The following SHE variants were observed in gnomAD, a reference collection of about 807,000 sequenced individuals.
SHE encodes the protein SH2 domain-containing adapter protein E.
A neutral mutation model predicts 49.8 loss-of-function variants in SHE; 11 were observed. The ratio of observed to expected loss-of-function variants is 0.22; its 90% confidence interval spans 0.14 to 0.37. The LOEUF (loss-of-function observed/expected upper bound fraction) is 0.37, where lower values mean the gene tolerates loss of function less well. SHE is among the 10% of genes least tolerant of loss of function. SHE has a pLI of 1.00. For synonymous variants in SHE, 310 were observed against 278.1 expected (o/e 1.11, Z -1.14); for missense variants, 624 against 655.5 (o/e 0.95, Z 0.52).
chr1:154,480,839 G>A lies in SHE; in HGVS notation c.*3310C>T. On this transcript the variant is annotated 3_prime_UTR_variant, in exon 6 of 6. Coordinates refer to ENST00000304760, the MANE Select transcript of SHE (RefSeq NM_001010846.3). ...TACAACTATGGTATCAAAGTAAATA[G>A]CAAGGTCCTTTACTCTCTCTTCTTA... 1.0e-6 allele frequency: 1 copy of A among 985,402 alleles called. No individual in the cohort carries two copies. Among genetic ancestry groups the A allele is most frequent in the Non-Finnish European group, 1.2e-6 (1 of 829,922 alleles). The allele number at this position is 985,402 out of a possible 1,614,324, so 61.0% of individuals were successfully genotyped here. A position where few individuals can be genotyped will look rare whatever the true frequency, so the allele number is the denominator to read the frequency against.
intron 3 of SHE, 56 bp downstream of exon 3, chr1:154,488,995 T>G: frequency 1.3e-6 from 2 of 1,506,266 alleles, no homozygotes; most frequent in Admixed American, 2.3e-5. Flanking sequence ...GTGGGGCTGA[T>G]GCGGTGGCCA....
In SHE at chr1:154,501,597, T is replaced by C; in HGVS notation, c.430A>G (p.Ile144Val). Residue 144 changes from isoleucine (I) to valine (V), a missense_variant, in exon 1 of 6, where the codon ATC becomes GTC. Coordinates refer to ENST00000304760, the MANE Select transcript of SHE (RefSeq NM_001010846.3). ...GTGTCCACCTTGATGAGCCTGTTGATGTAGGTGCTGCAGCCCGAGCTCTTG... is the reference window on the plus strand; with the variant it reads ...GTGTCCACCTTGATGAGCCTGTTGACGTAGGTGCTGCAGCCCGAGCTCTTG... The part of the protein sequence containing the change: ...ATKSSGCSTY[I>V]NRLIKVDTQE... 6.2e-7 allele frequency: 1 copy of C among 1,614,186 alleles called. No individual in the cohort carries two copies. Among genetic ancestry groups the C allele is most frequent in the East Asian group, 2.2e-5 (1 of 44,872 alleles).
At chr1:154,498,772 G>A (rs1177905014) in intron 2 of SHE, among the ~76,000 whole-genome samples, 3 of 152,176 alleles carry the variant, frequency 2.0e-5, no homozygotes, top group Non-Finnish European at 4.4e-5. Flanking sequence ...CTCCCATTAT[G>A]AATGTTAAAG....
At position 154,501,875 on chromosome 1, in the gene SHE, G is replaced by A; in HGVS notation, c.152C>T (p.Thr51Ile). ...CCCGGGCTTGGCCCGCTCCGACACG[G>A]TCTTCAGGTTCAGGGGGAACTCCTT... is the stretch of plus-strand genomic sequence containing the variant. ...WFKEFPLNLKTVSERAKPGGG... is the reference protein window; with the variant it reads ...WFKEFPLNLKIVSERAKPGGG... Residue 51 changes from threonine (T) to isoleucine (I), a missense_variant, in exon 1 of 6, where the codon ACC becomes ATC. Coordinates refer to ENST00000304760, the MANE Select transcript of SHE (RefSeq NM_001010846.3). The A allele has an allele frequency of 6.5e-7, 1 of 1,534,240 alleles. No individual in the cohort carries two copies. Among genetic ancestry groups the A allele is most frequent in the Non-Finnish European group, 8.7e-7 (1 of 1,147,172 alleles).
At chr1:154,492,577 T>C (rs1043405993) in intron 2 of SHE, among the ~76,000 whole-genome samples, 1 of 152,218 alleles carries the variant, frequency 6.6e-6, no homozygotes, top group Non-Finnish European at 1.5e-5. Context: ...CCCTGGACTC[T>C]CAGTCCTACA....
intron 3 of SHE, among the ~76,000 whole-genome samples, chr1:154,488,731 C>T (rs768385819): frequency 2.4e-4 from 36 of 151,920 alleles, no homozygotes; most frequent in Non-Finnish European, 4.3e-4. Context: ...GGATTACACG[C>T]GCCCAGCACC....
Position 154,479,903 on chromosome 1 carries a change from CTG to C in SHE, c.*4244_*4245del. On this transcript the variant is annotated 3_prime_UTR_variant, in exon 6 of 6. Coordinates refer to ENST00000304760, the MANE Select transcript of SHE (RefSeq NM_001010846.3). ...AGGGCATTTTTCAAGATGGCAACTG[CTG>C]TGTCATCATTTTCCCTTTTCTGGAC... 1.0e-6 allele frequency: 1 copy of C among 985,466 alleles called. No individual in the cohort carries two copies. The highest frequency in any genetic ancestry group is 1.2e-6 in the Non-Finnish European group (1 of 829,944). The allele number at this position is 985,466 out of a possible 1,614,324, so 61.0% of individuals were successfully genotyped here. A position where few individuals can be genotyped will look rare whatever the true frequency, so the allele number is the denominator to read the frequency against.
At chr1:154,501,321 G>C (rs1692729631) in intron 1 of SHE, 115 bp downstream of exon 1, 1 of 910,682 alleles carries the variant, frequency 1.1e-6, no homozygotes, top group Admixed American at 2.3e-5. Flanking sequence ...GAGGGAGAAA[G>C]GACCTTAGGA....
chr1:154,486,615 T>C lies in SHE; in HGVS notation c.1093A>G (p.Ser365Gly). 6.2e-7 allele frequency: 1 copy of C among 1,614,166 alleles called. No individual in the cohort carries two copies. The highest frequency in any genetic ancestry group is 1.3e-5 in the African/African-American group (1 of 75,046). ...ETVRQHHRQK[S>G]WTQKILKPAL... Reference sequence around the variant, plus strand: ...GGCTTCAGGATCTTCTGGGTCCAGCTCTTCTGCCGGTGGTGCTGCCTCACT... The same window carrying C: ...GGCTTCAGGATCTTCTGGGTCCAGCCCTTCTGCCGGTGGTGCTGCCTCACT... Residue 365 changes from serine (S) to glycine (G), a missense_variant, in exon 4 of 6, where the codon AGC (serine) becomes GGC (glycine). Physicochemically the swap from Ser to Gly is moderately conservative, Grantham distance 56. Transcript: ENST00000304760.
intron 2 of SHE, among the ~76,000 whole-genome samples, chr1:154,498,130 T>C (rs6689965): frequency 1.3e-5 from 2 of 151,460 alleles, no homozygotes; most frequent in Non-Finnish European, 1.5e-5. Flanking sequence ...TCCACTCTTG[T>C]TGCCCAGGCT....
chr1:154,471,763 T>C (rs1691752627), intron 1 of SHE, among the ~76,000 whole-genome samples: 1 of 152,106 alleles, frequency 6.6e-6, no homozygotes, highest in South Asian at 2.1e-4. Flanking sequence ...TTAAGGGTGT[T>C]CTTTCTTCTA....
intron 2 of SHE, among the ~76,000 whole-genome samples, chr1:154,495,392 T>C (rs1692495503): frequency 6.6e-6 from 1 of 152,184 alleles, no homozygotes; most frequent in African/African-American, 2.4e-5. Context: ...GTCATATCTT[T>C]TTATGAACAA....
Position 154,483,008 on chromosome 1 carries a change from A to T in SHE, c.*1141T>A, listed in dbSNP as rs1406769711. ...ATGATGATGAAACAAAAGACATCGA[A>T]GTTCTATGTAATTAATTCAGTAAAA... On this transcript the variant is annotated 3_prime_UTR_variant, in exon 6 of 6. Transcript: ENST00000304760. 44 of 984,574 alleles carry T rather than the reference A, an allele frequency of 4.5e-5. No homozygotes were observed. Among genetic ancestry groups the T allele is most frequent in the Non-Finnish European group, 4.9e-5 (41 of 829,298 alleles). The allele number at this position is 984,574 out of a possible 1,614,324, so 61.0% of individuals were successfully genotyped here.
In SHE at chr1:154,502,143, G is replaced by T; in HGVS notation, c.-117C>A. 1 of 827,810 alleles carries T rather than the reference G, an allele frequency of 1.2e-6. No individual in the cohort carries two copies. The highest frequency in any genetic ancestry group is 1.6e-6 in the Non-Finnish European group (1 of 636,198). 51.3% of individuals were successfully genotyped at this position (827,810 alleles called of 1,614,324 possible). On this transcript the variant is annotated 5_prime_UTR_variant, in exon 1 of 6. Coordinates refer to ENST00000304760, the MANE Select transcript of SHE (RefSeq NM_001010846.3). Reference sequence around the variant, plus strand: ...TGGGGTTCTCACGGCTCGGGGCGCCGAGCGGGCGGGCGCTAGCCTCTGCTC... The same window carrying T: ...TGGGGTTCTCACGGCTCGGGGCGCCTAGCGGGCGGGCGCTAGCCTCTGCTC...
At chr1:154,478,718 G>A (rs550470220), downstream of SHE, among the ~76,000 whole-genome samples, 37 of 152,158 alleles carry the variant, frequency 2.4e-4, no homozygotes, top group South Asian at 6.2e-4. Context: ...TCAAACCCTG[G>A]GTGCTTGTAA....
intron 2 of SHE, among the ~76,000 whole-genome samples, chr1:154,490,587 T>C (rs1476402902): frequency 2.0e-5 from 3 of 151,964 alleles, no homozygotes; most frequent in Non-Finnish European, 4.4e-5. Flanking sequence ...TGAGTGAAGA[T>C]ATGGAGGTGG....
At chr1:154,491,454 G>T (rs1233469257) in intron 2 of SHE, among the ~76,000 whole-genome samples, 1 of 152,138 alleles carries the variant, frequency 6.6e-6, no homozygotes, top group Admixed American at 6.5e-5. Context: ...ATCTAACTCA[G>T]CATCTTCTCC....
chr1:154,480,223 G>T lies in SHE; in HGVS notation c.*3926C>A. ...AATAGGAGACAACTAGTGAACGAGA[G>T]ATCTGTGAAGGGTTTCAGTGCAATC... On this transcript the variant is annotated 3_prime_UTR_variant, in exon 6 of 6. Coordinates refer to ENST00000304760, the MANE Select transcript of SHE (RefSeq NM_001010846.3). 2 of 985,464 alleles carry T rather than the reference G, an allele frequency of 2.0e-6. No individual in the cohort carries two copies. The highest frequency in any genetic ancestry group is 2.4e-6 in the Non-Finnish European group (2 of 829,960). 61.0% of individuals were successfully genotyped at this position (985,464 alleles called of 1,614,324 possible).
intron 1 of SHE, among the ~76,000 whole-genome samples, chr1:154,470,704 G>T (rs1691720746): frequency 1.3e-5 from 2 of 152,208 alleles, no homozygotes; most frequent in Non-Finnish European, 2.9e-5. Flanking sequence ...GCTGCATGTG[G>T]TGGCGGGCAC....
Sources: gnomAD v4.1 joint callset for allele counts (sites outside exome capture counted in the v4.1 genomes callset) on GRCh38, gnomAD v4.1.1 for gene constraint, MANE v1.5 for transcripts, NCBI Gene and HGNC (gene_info 2026-07-23, HGNC 2026-07-21) for gene names.